The following GNPTG variants were observed in gnomAD, a reference collection of about 807,000 sequenced individuals.
GNPTG encodes the protein N-acetylglucosamine-1-phosphate transferase subunit gamma, also known as N-acetylglucosamine-1-phosphotransferase subunit gamma.
In GNPTG, 46 loss-of-function variants were observed where a neutral mutation model predicts 43.8. The ratio of observed to expected loss-of-function variants is 1.05; its 90% CI spans 0.83 to 1.34. The LOEUF is 1.34. GNPTG is among the 40% of genes most tolerant of loss of function. The pLI, the probability that GNPTG is intolerant of heterozygous loss-of-function variation, is 0.00. For synonymous variants in GNPTG, 250 were observed against 172.8 expected (o/e 1.45, Z -3.50); for missense variants, 549 against 411.3 (o/e 1.33, Z -2.90).
chr16:1,359,390 T>C (rs530671982), intron 3 of GNPTG, among the ~76,000 whole-genome samples: 14 of 152,136 alleles, frequency 9.2e-5, no homozygotes, highest in Admixed American at 2.6e-4. Context: ...TGCCTCAGCC[T>C]CCCGAGTAGC....
In GNPTG at chr16:1,362,059, C is replaced by G. The variant is rs147048228; in HGVS notation, c.339C>G (p.Ile113Met). 3 of 1,612,348 alleles carry G rather than the reference C, an allele frequency of 1.9e-6. No individual in the cohort carries two copies. Among genetic ancestry groups the G allele is most frequent in the Non-Finnish European group, 2.5e-6 (3 of 1,179,606 alleles). The part of the protein sequence containing the change: ...GILGIWHEWE[I>M]ANNTFTGMWM... ...CCAGCATCTGGCACGAGTGGGAGATCGCCAACAACACCTTCACGGGCATGT... is the reference window on the plus strand; with the variant it reads ...CCAGCATCTGGCACGAGTGGGAGATGGCCAACAACACCTTCACGGGCATGT... Residue 113 changes from isoleucine (I) to methionine (M), a missense_variant, in exon 6 of 11, where the codon ATC (isoleucine) becomes ATG (methionine). Coordinates refer to ENST00000204679, the MANE Select transcript of GNPTG (RefSeq NM_032520.5).
At chr16:1,352,050 C>G in intron 1 of GNPTG, 33 bp downstream of exon 1, 1 of 1,518,510 alleles carries the variant, frequency 6.6e-7, no homozygotes, top group South Asian at 1.2e-5. Context: ...TCCCCAGGCC[C>G]CGCGCGCGCT....
chr16:1,352,155 T>A lies in GNPTG; in HGVS notation c.106T>A (p.Phe36Ile). ...KMKVVEEPNA[F>I]GVNNPFLPQA... ...GAAGGTGGTGGAGGAGCCCAACGCG[T>A]TTGGGTGAGCAGCCTCGCGGGCTGG... The change falls in exon 2 of 11, where the codon TTT becomes ATT. Residue 36 changes from phenylalanine (F) to isoleucine (I), a missense_variant. Physicochemically the swap from Phe to Ile is conservative, Grantham distance 21 (BLOSUM62 0). Transcript: ENST00000204679. 6.3e-7 allele frequency: 1 copy of A among 1,578,460 alleles called. No homozygotes were observed. The highest frequency in any genetic ancestry group is 8.6e-7 in the Non-Finnish European group (1 of 1,163,828).
intron 3 of GNPTG, among the ~76,000 whole-genome samples, chr16:1,358,639 C>T: frequency 6.6e-6 from 1 of 152,074 alleles, no homozygotes; most frequent in Non-Finnish European, 1.5e-5. Context: ...ATTAGAATTC[C>T]ATGTTTAGCT....
intron 3 of GNPTG, among the ~76,000 whole-genome samples, chr16:1,353,057 C>T (rs948466893): frequency 3.3e-5 from 5 of 151,356 alleles, no homozygotes; most frequent in African/African-American, 9.7e-5. Context: ...GCAACCTCCG[C>T]CTCCCAGGTT....
At chr16:1,359,269 GGTTT>G (rs1375835436) in intron 3 of GNPTG, among the ~76,000 whole-genome samples, 1 of 151,830 alleles carries the variant, frequency 6.6e-6, no homozygotes, top group Non-Finnish European at 1.5e-5. Context: ...TCCCTTGATG[GGTTT>G]GTTTTTTTTT....
rs368983807 is a variant in GNPTG at position 1,361,876 on chromosome 16, A to G, written c.238A>G (p.Lys80Glu). 6.2e-7 allele frequency: 1 copy of G among 1,613,724 alleles called. No homozygotes were observed. Among genetic ancestry groups the G allele is most frequent in the Non-Finnish European group, 8.5e-7 (1 of 1,179,828 alleles). Residue 80 changes from lysine (K) to glutamate (E), a missense_variant, in exon 5 of 11, where the codon AAG (lysine) becomes GAG (glutamate). Coordinates refer to ENST00000204679, the MANE Select transcript of GNPTG (RefSeq NM_032520.5). Reference protein sequence around the residue: ...KCFSLVESTYKYEFCPFHNVT... With the variant: ...KCFSLVESTYEYEFCPFHNVT... ...TCATGCCATCTGTGTCCCCAGGTAC[A>G]AGTATGAGTTCTGCCCGTTCCACAA...
intron 3 of GNPTG, among the ~76,000 whole-genome samples, chr16:1,356,981 G>T (rs1178971414): frequency 2.0e-5 from 3 of 152,144 alleles, no homozygotes; most frequent in African/African-American, 7.2e-5. Flanking sequence ...CTGAGTGGCA[G>T]ATGGGTGAGG....
At position 1,363,022 on chromosome 16, in the gene GNPTG, C is replaced by CGT; in HGVS notation, c.849_850insGT (p.His284ValfsTer51). 1.2e-6 allele frequency: 2 copies of CGT among 1,614,042 alleles called. No individual in the cohort carries two copies. Among genetic ancestry groups the CGT allele is most frequent in the East Asian group, 4.5e-5 (2 of 44,856 alleles). The stretch of plus-strand genomic sequence containing the variant: ...AAACTTCCAACTTGGAGCACTTGGG[C>CGT]CACGAGACGCCCAGAGCCAAGTCTC... On this transcript the variant is annotated frameshift_variant, in exon 11 of 11. Coordinates refer to ENST00000204679, the MANE Select transcript of GNPTG (RefSeq NM_032520.5). LOFTEE classifies it low-confidence loss of function (END_TRUNC).
chr16:1,355,459 C>T (rs1400403634), intron 3 of GNPTG, among the ~76,000 whole-genome samples: 1 of 152,094 alleles, frequency 6.6e-6, no homozygotes, highest in Non-Finnish European at 1.5e-5. Flanking sequence ...GGTGGGCTTG[C>T]CAGGGCCGAG....
chr16:1,363,328 A>G lies in GNPTG; in HGVS notation c.*237A>G. ...AAGTGTTAACTTTAAACAGTTCGCT[A>G]CAAGTAAATGATTATAAATACTACC... is the stretch of plus-strand genomic sequence containing the variant. On this transcript the variant is annotated 3_prime_UTR_variant, in exon 11 of 11. Transcript: ENST00000204679. 2 of 529,950 alleles carry G rather than the reference A, an allele frequency of 3.8e-6. No homozygotes were observed. Among genetic ancestry groups the G allele is most frequent in the South Asian group, 4.1e-5 (2 of 49,160 alleles). 32.8% of individuals were successfully genotyped at this position (529,950 alleles called of 1,614,324 possible). A position where few individuals can be genotyped will look rare whatever the true frequency, so the allele number is the denominator to read the frequency against.
Position 1,362,600 on chromosome 16 carries a change from T to G in GNPTG, c.610-11T>G. On this transcript the variant is annotated splice_polypyrimidine_tract_variant and intron_variant, in intron 8 of 10. Coordinates refer to ENST00000204679, the MANE Select transcript of GNPTG (RefSeq NM_032520.5). ...GGAGCTGGGTGCTGCCCCTGCATCCTCCACCTTCAGGGCCATGAGAAGTTG... is the reference window on the plus strand; with the variant it reads ...GGAGCTGGGTGCTGCCCCTGCATCCGCCACCTTCAGGGCCATGAGAAGTTG... 1 of 1,614,138 alleles carries G rather than the reference T, an allele frequency of 6.2e-7. No individual in the cohort carries two copies. Among genetic ancestry groups the G allele is most frequent in the Non-Finnish European group, 8.5e-7 (1 of 1,180,016 alleles).
chr16:1,360,427 C>T (rs1022974163), intron 3 of GNPTG, among the ~76,000 whole-genome samples: 27 of 152,108 alleles, frequency 1.8e-4, no homozygotes, highest in Non-Finnish European at 3.2e-4. Flanking sequence ...AGTTGCAGAC[C>T]AGCCTGGCCA....
At chr16:1,358,778 G>GT (rs1278989644) in intron 3 of GNPTG, 1 of 152,136 alleles carries the variant, frequency 6.6e-6, no homozygotes, top group African/African-American at 2.4e-5. Flanking sequence ...ATCCTAGTGG[G>GT]TGTGAAGCGG....
intron 3 of GNPTG, among the ~76,000 whole-genome samples, chr16:1,356,298 A>G (rs1021208645): frequency 6.6e-6 from 1 of 152,148 alleles, no homozygotes; most frequent in Non-Finnish European, 1.5e-5. Flanking sequence ...CAGGCCGTGA[A>G]CACGGAGCCT....
At chr16:1,360,755 G>C (rs2034854869) in intron 3 of GNPTG, 1 of 152,198 alleles carries the variant, frequency 6.6e-6, no homozygotes, top group Non-Finnish European at 1.5e-5. Flanking sequence ...AAAAGATTGG[G>C]GACCACTGGT....
chr16:1,362,706 C>G lies in GNPTG; in HGVS notation c.705C>G (p.Asp235Glu). The G allele has an allele frequency of 6.2e-7, 1 of 1,614,082 alleles. No individual in the cohort carries two copies. The highest frequency in any genetic ancestry group is 8.5e-7 in the Non-Finnish European group (1 of 1,180,032). Residue 235 changes from aspartate to glutamate, a missense_variant, in exon 9 of 11, where the codon GAC (aspartate) becomes GAG (glutamate). Asp to Glu is a conservative substitution (Grantham distance 45). Coordinates refer to ENST00000204679, the MANE Select transcript of GNPTG (RefSeq NM_032520.5). ...CCACCCAGCTGGAGGGAGGTCCTGA[C>G]AGCTTGGGGTTTGAGACCCTGGAAA... ...NEPTQLEGGP[D>E]SLGFETLENC... is the part of the protein sequence containing the mutation.
At position 1,362,708 on chromosome 16, in the gene GNPTG, G is replaced by A. The variant is rs1201859457; in HGVS notation, c.707G>A (p.Ser236Asn). The A allele has an allele frequency of 1.9e-6, 3 of 1,613,994 alleles. No individual in the cohort carries two copies. In the Admixed American group the frequency reaches 5.0e-5, roughly 27 times the overall value. Residue 236 changes from serine (S) to asparagine (N), a missense_variant, in exon 9 of 11, where the codon AGC becomes AAC. Transcript: ENST00000204679. ...ACCCAGCTGGAGGGAGGTCCTGACA[G>A]CTTGGGGTTTGAGACCCTGGAAAAC... ...EPTQLEGGPD[S>N]LGFETLENCR... is the part of the protein sequence containing the mutation.
chr16:1,363,380 A>G lies in GNPTG; in HGVS notation c.*289A>G, dbSNP rs758351508. The G allele has an allele frequency of 1.4e-5, 6 of 422,282 alleles. No individual in the cohort carries two copies. The highest frequency in any genetic ancestry group is 2.7e-5 in the Non-Finnish European group (6 of 225,490). The allele number at this position is 422,282 out of a possible 1,614,324, so 26.2% of individuals were successfully genotyped here. ...TCTGGGTTAAGAAAATTCCATTCAA[A>G]TAACATTCTCATGTAAATACTCAAA... On this transcript the variant is annotated 3_prime_UTR_variant, in exon 11 of 11. Coordinates refer to ENST00000204679, the MANE Select transcript of GNPTG (RefSeq NM_032520.5).
Sources: gnomAD v4.1 joint callset for allele counts (sites outside exome capture counted in the v4.1 genomes callset) on GRCh38, gnomAD v4.1.1 for gene constraint, MANE v1.5 for transcripts, NCBI Gene and HGNC (gene_info 2026-07-23, HGNC 2026-07-21) for gene names.